The following NRXN1 variants were observed in gnomAD, a reference collection of about 807,000 sequenced individuals.
NRXN1 encodes the protein neurexin-1.
In NRXN1, 39 loss-of-function variants were observed where a neutral mutation model predicts 150.9. That is an observed-to-expected ratio of 0.26 (90% CI 0.20 to 0.34). The LOEUF (loss-of-function observed/expected upper bound fraction) is 0.34, where lower values mean the gene tolerates loss of function less well. Among genes scored for constraint, NRXN1 ranks in the 10% least tolerant of loss-of-function variants. NRXN1 has a pLI of 1.00. For synonymous variants in NRXN1, 924 were observed against 757.0 expected, an observed-to-expected ratio of 1.22 and a Z score of -3.62; for missense variants, 1,815 against 1,949.9, an observed-to-expected ratio of 0.93 and a Z score of 1.30.
intron 3 of NRXN1, among the ~76,000 whole-genome samples, chr2:50,924,147 C>T (rs182707796): frequency 6.6e-6 from 1 of 151,728 alleles, no homozygotes; most frequent in East Asian, 2.0e-4. Context: ...GTTTTATGGA[C>T]TAAATGAGGA....
chr2:50,619,332 T>G (rs1275608118), intron 8 of NRXN1: 1 of 152,112 alleles, frequency 6.6e-6, no homozygotes, highest in Non-Finnish European at 1.5e-5. Context: ...AAATATTCAT[T>G]AAAAAATGAA....
intron 15 of NRXN1, among the ~76,000 whole-genome samples, chr2:50,477,449 C>T (rs1299836618): frequency 6.6e-6 from 1 of 152,110 alleles, no homozygotes; most frequent in Non-Finnish European, 1.5e-5. Context: ...GAGGTTGGAG[C>T]TTAGAGGCCT....
intron 18 of NRXN1, among the ~76,000 whole-genome samples, chr2:50,186,512 G>A (rs186218898): frequency 1.3e-5 from 2 of 152,202 alleles, no homozygotes; most frequent in African/African-American, 4.8e-5. Context: ...GGAAACTTGT[G>A]TATTACTCAG....
intron 17 of NRXN1, among the ~76,000 whole-genome samples, chr2:50,300,505 T>C (rs1016870301): frequency 2.0e-4 from 30 of 152,158 alleles, no homozygotes; most frequent in African/African-American, 7.2e-4. Context: ...TTGGCTTCCC[T>C]GTCTAGGCAG....
At chr2:50,489,237 T>C (rs1466173174) in intron 15 of NRXN1, among the ~76,000 whole-genome samples, 1 of 152,170 alleles carries the variant, frequency 6.6e-6, no homozygotes, top group Non-Finnish European at 1.5e-5. Context: ...GTTCAGCTAG[T>C]GTGCTGGGTG....
intron 5 of NRXN1, among the ~76,000 whole-genome samples, chr2:50,815,600 T>A (rs1322611803): frequency 6.6e-6 from 1 of 152,120 alleles, no homozygotes; most frequent in African/African-American, 2.4e-5. Context: ...TAAAATGATT[T>A]AAAATTTTGT....
intron 17 of NRXN1, among the ~76,000 whole-genome samples, chr2:50,271,643 T>C (rs2069663757): frequency 6.6e-6 from 1 of 152,168 alleles, no homozygotes; most frequent in Non-Finnish European, 1.5e-5. Context: ...TAACTCAAAG[T>C]ACATTTATGG....
intron 2 of NRXN1, among the ~76,000 whole-genome samples, chr2:50,947,275 T>C (rs1294860577): frequency 1.3e-5 from 2 of 152,090 alleles, no homozygotes; most frequent in East Asian, 3.8e-4. Flanking sequence ...TGACATGTAC[T>C]ACGCATTCAA....
intron 17 of NRXN1, among the ~76,000 whole-genome samples, chr2:50,388,593 A>T (rs192318587): frequency 3.0e-4 from 46 of 152,252 alleles, no homozygotes; most frequent in African/African-American, 1.1e-3. Flanking sequence ...AGTAACTCTA[A>T]AATTGGGTTT....
intron 5 of NRXN1, among the ~76,000 whole-genome samples, chr2:50,701,822 G>T (rs1433903151): frequency 6.6e-6 from 1 of 152,010 alleles, no homozygotes; most frequent in African/African-American, 2.4e-5. Flanking sequence ...TCTTCTATCA[G>T]GATAATTATA....
intron 5 of NRXN1, among the ~76,000 whole-genome samples, chr2:50,753,453 A>T (rs1559212748): frequency 6.6e-6 from 1 of 151,850 alleles, no homozygotes; most frequent in Non-Finnish European, 1.5e-5. Context: ...AGAAAATGGC[A>T]TCGTCATGGC....
intron 21 of NRXN1, among the ~76,000 whole-genome samples, chr2:49,988,423 T>G (rs145768612): frequency 6.6e-6 from 1 of 151,840 alleles, no homozygotes; most frequent in African/African-American, 2.4e-5. Flanking sequence ...CAGATCTGAG[T>G]TGACTCTTCC....
intron 17 of NRXN1, among the ~76,000 whole-genome samples, chr2:50,370,555 T>G (rs1235699381): frequency 3.9e-5 from 6 of 152,048 alleles, no homozygotes; most frequent in Non-Finnish European, 8.8e-5. Context: ...TGCCACTAGC[T>G]AGTAAATACC....
chr2:50,403,928 A>C lies in NRXN1; in HGVS notation c.3364+61514T>G, dbSNP rs555502627. On this transcript the variant is annotated intron_variant, in intron 17 of 22. Coordinates refer to ENST00000401669, the MANE Select transcript of NRXN1 (RefSeq NM_001330078.2). ...TGTCAGTTAATGCCCTCTGAACATA[A>C]GACAATGTTCTGAGTTGTTGGAAGT... Among the ~76,000 whole-genome samples, 69 of 152,244 alleles carry C rather than the reference A, an allele frequency of 4.5e-4. 1 individual carries two copies. Among genetic ancestry groups the C allele is most frequent in the Middle Eastern group, 3.4e-3 (1 of 294 alleles).
chr2:50,440,832 C>A (rs553715628), intron 17 of NRXN1, among the ~76,000 whole-genome samples: 5 of 152,178 alleles, frequency 3.3e-5, no homozygotes, highest in African/African-American at 1.2e-4. Context: ...AGTTCATACC[C>A]TGATTTTCTA....
chr2:51,011,609 A>G (rs1667880857), intron 2 of NRXN1, among the ~76,000 whole-genome samples: 1 of 151,954 alleles, frequency 6.6e-6, no homozygotes, highest in Admixed American at 6.6e-5. Flanking sequence ...ACTAGAAAGA[A>G]CCCCAAGACA....
rs368662180 is a variant in NRXN1, at chr2:50,395,122, T to C, written c.3364+70320A>G. Among the ~76,000 whole-genome samples the C allele has an allele frequency of 9.2e-5, 14 of 152,180 alleles. No individual in the cohort carries two copies. The East Asian group carries it at 1.5e-3, about 17-fold the overall frequency. On this transcript the variant is annotated intron_variant, in intron 17 of 22. Coordinates refer to ENST00000401669, the MANE Select transcript of NRXN1 (RefSeq NM_001330078.2). Reference sequence around the variant, plus strand: ...ATACTCACATCATATTATTTCTTTTTTCTTTGTTATTGATATTCTCCAATA... The same window carrying C: ...ATACTCACATCATATTATTTCTTTTCTCTTTGTTATTGATATTCTCCAATA...
intron 16 of NRXN1, 37 bp downstream of exon 16, chr2:50,472,261 T>C: frequency 6.8e-7 from 1 of 1,473,380 alleles, no homozygotes; most frequent in Non-Finnish European, 9.1e-7. Flanking sequence ...CAGGTGGAAT[T>C]AGAATTATTT....
chr2:50,738,386 A>T (rs1386313918), intron 5 of NRXN1, among the ~76,000 whole-genome samples: 1 of 152,202 alleles, frequency 6.6e-6, no homozygotes, highest in African/African-American at 2.4e-5. Context: ...ATTTCAAAGG[A>T]CAGATCTGTG....
Sources: allele counts gnomAD v4.1 joint callset (sites outside exome capture counted in the v4.1 genomes callset), GRCh38; gene constraint gnomAD v4.1.1; transcripts MANE v1.5; gene names NCBI Gene and HGNC (gene_info 2026-07-23, HGNC 2026-07-21).